Variants in RANBP2 observed in about 807,000 individuals in gnomAD.
RANBP2 encodes E3 SUMO-protein ligase RanBP2.
A neutral mutation model predicts 303.6 loss-of-function variants in RANBP2; 57 were observed. That is an observed-to-expected ratio of 0.19 (90% confidence interval 0.15 to 0.23). RANBP2 has a LOEUF of 0.23. RANBP2 is among the 10% of genes least tolerant of loss of function. RANBP2 has a pLI of 1.00. For missense variants in RANBP2, 3,138 were observed against 3,780.8 expected (o/e 0.83, Z 4.46); for synonymous variants, 1,167 against 1,301.5 (o/e 0.90, Z 2.23).
the RANBP2 span, among the ~76,000 whole-genome samples, chr2:108,991,330 G>A: frequency 9.2e-5 from 14 of 152,328 alleles, no homozygotes; most frequent in South Asian, 2.5e-3. Context: ...GAAGATATGT[G>A]ATTTTCTGTT....
chr2:109,650,095 A>AG, the RANBP2 span, among the ~76,000 whole-genome samples: 1 of 152,182 alleles, frequency 6.6e-6, no homozygotes, highest in Non-Finnish European at 1.5e-5. Context: ...TGACTCACAG[A>AG]TATTTGTGTT....
chr2:109,211,501 G>A, the RANBP2 span, among the ~76,000 whole-genome samples: 2 of 152,180 alleles, frequency 1.3e-5, no homozygotes, highest in African/African-American at 2.4e-5. Context: ...TGGAGGGGGA[G>A]CCCAGTCTTC....
the RANBP2 span, among the ~76,000 whole-genome samples, chr2:109,132,600 G>C: frequency 6.6e-6 from 1 of 152,156 alleles, no homozygotes; most frequent in Non-Finnish European, 1.5e-5. Flanking sequence ...TCAGGAGTTG[G>C]TCTTTTTATT....
At chr2:108,929,771 G>A in the RANBP2 span, among the ~76,000 whole-genome samples, 1 of 152,198 alleles carries the variant, frequency 6.6e-6, no homozygotes, top group Non-Finnish European at 1.5e-5. Flanking sequence ...CCCAGAGGCG[G>A]AGGGAGATGC....
chr2:109,283,035 C>T, the RANBP2 span, among the ~76,000 whole-genome samples: 10 of 152,340 alleles, frequency 6.6e-5, no homozygotes, highest in Admixed American at 2.0e-4. Context: ...ACTGTGTGAA[C>T]TGTGTATGCA....
At chr2:109,699,573 T>C in the RANBP2 span, among the ~76,000 whole-genome samples, 3 of 152,018 alleles carry the variant, frequency 2.0e-5, no homozygotes, top group East Asian at 5.8e-4. Context: ...GAAGAGAAAA[T>C]ATATTTATTA....
the RANBP2 span, among the ~76,000 whole-genome samples, chr2:109,286,370 T>C: frequency 6.6e-6 from 1 of 152,106 alleles, no homozygotes; most frequent in African/African-American, 2.4e-5. Flanking sequence ...AGGGGGCCCT[T>C]GGTTGCAATT....
the RANBP2 span, chr2:109,564,117 C>A: frequency 7.4e-5 from 27 of 365,130 alleles, no homozygotes; most frequent in African/African-American, 4.6e-4. Flanking sequence ...AAACAGGGGG[C>A]CTCTGCCATA....
the RANBP2 span, among the ~76,000 whole-genome samples, chr2:109,002,733 T>C: frequency 3.3e-5 from 5 of 152,196 alleles, no homozygotes; most frequent in African/African-American, 1.2e-4. Context: ...TGTTTTTGTT[T>C]GTTTGTTTTG....
the RANBP2 span, among the ~76,000 whole-genome samples, chr2:109,309,296 G>A: frequency 6.7e-6 from 1 of 150,078 alleles, no homozygotes; most frequent in African/African-American, 2.5e-5. Context: ...CTTTGCTGAA[G>A]TTGCTTATCA....
At chr2:109,148,479 C>T in the RANBP2 span, among the ~76,000 whole-genome samples, 4 of 152,090 alleles carry the variant, frequency 2.6e-5, no homozygotes, top group Non-Finnish European at 4.4e-5. Context: ...AATTTCTGCA[C>T]GTGTGGGCTG....
At chr2:109,315,730 A>G in the RANBP2 span, among the ~76,000 whole-genome samples, 2 of 152,172 alleles carry the variant, frequency 1.3e-5, no homozygotes, top group Non-Finnish European at 2.9e-5. Context: ...GGGCTCTTTC[A>G]TCTCATTATG....
chr2:109,419,658 T>G, the RANBP2 span: 1 of 1,558,608 alleles, frequency 6.4e-7, no homozygotes, highest in Non-Finnish European at 8.7e-7. Flanking sequence ...CTGCCCTTTG[T>G]GTCTGTCGGG....
At chr2:109,505,898 C>CT in the RANBP2 span, among the ~76,000 whole-genome samples, 4 of 152,204 alleles carry the variant, frequency 2.6e-5, no homozygotes, top group Non-Finnish European at 4.4e-5. Flanking sequence ...CCATCACAGT[C>CT]TGTCTGGAGA....
chr2:109,076,541 G>T, the RANBP2 span, among the ~76,000 whole-genome samples: 1 of 150,552 alleles, frequency 6.6e-6, no homozygotes, highest in Non-Finnish European at 1.5e-5. Context: ...GATCTGATAA[G>T]TTTAGTAAAT....
chr2:109,695,872 T>C, the RANBP2 span, among the ~76,000 whole-genome samples: 5 of 152,174 alleles, frequency 3.3e-5, no homozygotes, highest in African/African-American at 1.2e-4. Flanking sequence ...CTCAGCACTT[T>C]AGTTAGGGAG....
At position 108,755,037 on chromosome 2, in the gene RANBP2, A is replaced by G. The variant is rs756725474; in HGVS notation, c.2335A>G (p.Thr779Ala). ...TGCAGATTCAGAAATAAAACATTCT[A>G]CACCGTCTCCTACCAGATATTCACT... ...RNADSEIKHS[T>A]PSPTRYSLSP... Residue 779 changes from threonine (T) to alanine (A), a missense_variant, in exon 16 of 29, where the codon ACA becomes GCA. This residue lies in a region of RANBP2 where 194 missense variants were observed against 197.4 expected (regional missense o/e 0.98). Transcript: ENST00000283195. 2.5e-6 allele frequency: 4 copies of G among 1,611,870 alleles called. No homozygotes were observed. Among genetic ancestry groups the G allele is most frequent in the African/African-American group, 2.7e-5 (2 of 74,854 alleles).
chr2:108,936,245 C>T, the RANBP2 span, among the ~76,000 whole-genome samples: 76 of 152,342 alleles, frequency 5.0e-4, no homozygotes, highest in African/African-American at 1.7e-3. Context: ...CCTGATGGTT[C>T]GGAGTTACCT....
chr2:109,614,282 G>T, the RANBP2 span: 1 of 640,090 alleles, frequency 1.6e-6, no homozygotes, highest in Non-Finnish European at 2.2e-6. Context: ...GTGGCCTGGT[G>T]GCGTGGGCGC....
Sources: gnomAD v4.1 joint callset for allele counts (sites outside exome capture counted in the v4.1 genomes callset) on GRCh38, gnomAD v4.1.1 for gene constraint, gnomAD v4.1.1 regional missense constraint, MANE v1.5 for transcripts, NCBI Gene and HGNC (gene_info 2026-07-23, HGNC 2026-07-21) for gene names.